The following KDM4C variants were observed in gnomAD, a reference collection of about 807,000 sequenced individuals.
KDM4C encodes lysine demethylase 4C.
A neutral mutation model predicts 129.3 loss-of-function variants in KDM4C; 81 were observed. That is an observed-to-expected ratio of 0.63 (90% CI 0.52 to 0.75). The LOEUF (loss-of-function observed/expected upper bound fraction) is 0.75, where lower values mean the gene tolerates loss of function less well. Ranked by LOEUF, KDM4C falls within the 30% of genes least tolerant of loss-of-function variation. The pLI, the probability that KDM4C is intolerant of heterozygous loss-of-function variation, is 0.00. For synonymous variants in KDM4C, 573 were observed against 456.1 expected, an observed-to-expected ratio of 1.26 and a Z score of -3.26; for missense variants, 1,457 against 1,304.0, an observed-to-expected ratio of 1.12 and a Z score of -1.81.
chr9:6,829,571 A>G (rs905417717), intron 4 of KDM4C, among the ~76,000 whole-genome samples: 1 of 152,212 alleles, frequency 6.6e-6, no homozygotes, highest in Non-Finnish European at 1.5e-5. Flanking sequence ...GCTCAGACTG[A>G]ATGTTAGGGT....
At chr9:7,062,948 A>G (rs768129003) in intron 17 of KDM4C, among the ~76,000 whole-genome samples, 3 of 152,280 alleles carry the variant, frequency 2.0e-5, no homozygotes, top group East Asian at 3.9e-4. Context: ...TACAGAATAT[A>G]TATGAAAATT....
chr9:6,798,945 G>C (rs1278081122), intron 2 of KDM4C, among the ~76,000 whole-genome samples: 1 of 151,350 alleles, frequency 6.6e-6, no homozygotes, highest in African/African-American at 2.4e-5. Flanking sequence ...GGGTCGAGGC[G>C]CTCCTCACAT....
chr9:6,751,720 G>A (rs1250759162), intron 1 of KDM4C, among the ~76,000 whole-genome samples: 1 of 152,136 alleles, frequency 6.6e-6, no homozygotes, highest in African/African-American at 2.4e-5. Context: ...GAACAGGATA[G>A]TTGTTCACAA....
At chr9:6,994,986 G>C (rs1258082956) in intron 12 of KDM4C, among the ~76,000 whole-genome samples, 2 of 151,978 alleles carry the variant, frequency 1.3e-5, no homozygotes, top group African/African-American at 4.8e-5. Flanking sequence ...GGGTCAGTAA[G>C]TGACTCCTTT....
At chr9:6,741,959 A>G in intron 1 of KDM4C, among the ~76,000 whole-genome samples, 1 of 148,838 alleles carries the variant, frequency 6.7e-6, no homozygotes, top group African/African-American at 2.6e-5. Context: ...ACAATAATAA[A>G]ATGTTTTTAT....
chr9:7,097,613 G>A (rs886100559), intron 17 of KDM4C, among the ~76,000 whole-genome samples: 3 of 152,212 alleles, frequency 2.0e-5, no homozygotes, highest in East Asian at 1.9e-4. Context: ...CTGCTCAGTA[G>A]AATGGTTTGA....
At chr9:6,744,980 A>T (rs1353845530) in intron 1 of KDM4C, among the ~76,000 whole-genome samples, 2 of 151,954 alleles carry the variant, frequency 1.3e-5, no homozygotes, top group African/African-American at 4.8e-5. Context: ...TCCTCCTCCT[A>T]TTCCTCCTCC....
chr9:6,834,797 A>C (rs1588590935), intron 4 of KDM4C: 2 of 1,356,660 alleles, frequency 1.5e-6, no homozygotes, highest in East Asian at 4.6e-5. Flanking sequence ...CCCCAAGGCC[A>C]GCCGCGAGAA....
chr9:7,144,107 T>G (rs1439995604), intron 19 of KDM4C, among the ~76,000 whole-genome samples: 2 of 151,952 alleles, frequency 1.3e-5, no homozygotes, highest in Admixed American at 6.5e-5. Context: ...TTTTGTTTTT[T>G]TTTTGTTTTT....
intron 18 of KDM4C, among the ~76,000 whole-genome samples, chr9:7,122,274 C>CTT (rs1239441910): frequency 6.6e-6 from 1 of 151,830 alleles, no homozygotes; most frequent in East Asian, 1.9e-4. Flanking sequence ...CACTCTCTCT[C>CTT]TCTCTCTCTC....
rs536031756 is a variant in KDM4C, at chr9:6,970,799, C to G, written c.922-10126C>G. Among the ~76,000 whole-genome samples, 6 of 140,596 alleles carry G rather than the reference C, an allele frequency of 4.3e-5. No individual in the cohort carries two copies. The East Asian group carries it at 7.5e-4, about 17-fold the overall frequency. The allele number at this position is 140,596 out of a possible 152,430, so 92.2% of individuals were successfully genotyped here. A position where few individuals can be genotyped will look rare whatever the true frequency, so the allele number is the denominator to read the frequency against. The stretch of plus-strand genomic sequence containing the variant: ...TTTAAAAAACAGTATTCCCACCCCC[C>G]GCCCCTAACCCCCACCCCGGTCTCA... On this transcript the variant is annotated intron_variant, in intron 8 of 21. Transcript: ENST00000381309.
At chr9:6,826,221 G>A (rs966356960) in intron 4 of KDM4C, among the ~76,000 whole-genome samples, 15 of 150,610 alleles carry the variant, frequency 1.0e-4, no homozygotes, top group Admixed American at 2.0e-4. Flanking sequence ...ATGGGTGGTT[G>A]GTGTCCTATT....
intron 8 of KDM4C, among the ~76,000 whole-genome samples, chr9:6,960,260 A>G (rs1258944159): frequency 6.7e-6 from 1 of 149,626 alleles, no homozygotes; most frequent in Non-Finnish European, 1.5e-5. Context: ...GGATAAATGG[A>G]AGCTCTTTTA....
At chr9:6,924,183 G>A (rs2131237429) in intron 8 of KDM4C, among the ~76,000 whole-genome samples, 1 of 152,310 alleles carries the variant, frequency 6.6e-6, no homozygotes, top group African/African-American at 2.4e-5. Context: ...ATACTGGAGA[G>A]AGAAAGTGGT....
chr9:7,107,914 C>T (rs887311172), intron 18 of KDM4C, among the ~76,000 whole-genome samples: 3 of 152,284 alleles, frequency 2.0e-5, no homozygotes, highest in Non-Finnish European at 2.9e-5. Context: ...TCCATAGGAG[C>T]AGCTTGGTAT....
intron 16 of KDM4C, 97 bp downstream of exon 16, chr9:7,047,014 G>A: frequency 1.2e-6 from 1 of 858,450 alleles, no homozygotes; most frequent in Non-Finnish European, 1.9e-6. Flanking sequence ...TTGTACACGT[G>A]GTTTCAAAGC....
At chr9:7,031,962 G>C (rs144515356) in intron 15 of KDM4C, among the ~76,000 whole-genome samples, 58 of 152,260 alleles carry the variant, frequency 3.8e-4, no homozygotes, top group African/African-American at 1.2e-3. Flanking sequence ...ATATTTATCA[G>C]ACCTCTGGAA....
intron 15 of KDM4C, among the ~76,000 whole-genome samples, chr9:7,026,206 A>C (rs1825793827): frequency 1.3e-5 from 2 of 151,340 alleles, no homozygotes; most frequent in South Asian, 4.2e-4. Context: ...CGCCATCTCA[A>C]GAAAAAAAAA....
At chr9:7,002,307 CTTTG>C (rs1183044717) in intron 12 of KDM4C, among the ~76,000 whole-genome samples, 1 of 147,768 alleles carries the variant, frequency 6.8e-6, no homozygotes, top group Admixed American at 6.7e-5. Context: ...TAGTACCTAT[CTTTG>C]TTTTTTAATT....
Sources: gnomAD v4.1 joint callset for allele counts (sites outside exome capture counted in the v4.1 genomes callset) on GRCh38, gnomAD v4.1.1 for gene constraint, MANE v1.5 for transcripts, NCBI Gene and HGNC (gene_info 2026-07-23, HGNC 2026-07-21) for gene names.